ERC1: variants seen among roughly 807,000 people sequenced by gnomAD.
ERC1 encodes the protein ELKS/RAB6-interacting/CAST family member 1, also known as RAB6 interacting protein 2.
A neutral mutation model predicts 132.0 loss-of-function variants in ERC1; 56 were observed. That is an observed-to-expected ratio of 0.42 (90% CI 0.34 to 0.53). ERC1 has a LOEUF of 0.53. Ranked by LOEUF, ERC1 falls within the 20% of genes least tolerant of loss-of-function variation. The pLI, the probability that ERC1 is intolerant of heterozygous loss-of-function variation, is 0.03. For missense variants in ERC1, 1,202 were observed against 1,349.9 expected (o/e 0.89, Z 1.72); for synonymous variants, 478 against 476.1 (o/e 1.00, Z -0.05).
chr12:1,101,968 A>G (rs1018468931), intron 3 of ERC1, among the ~76,000 whole-genome samples: 1 of 152,148 alleles, frequency 6.6e-6, no homozygotes, highest in Non-Finnish European at 1.5e-5. Context: ...TACTCTGTGG[A>G]TTAGTGAAGG....
intron 12 of ERC1, among the ~76,000 whole-genome samples, chr12:1,224,955 GGTGA>G (rs1419446899): frequency 3.3e-5 from 5 of 151,698 alleles, no homozygotes; most frequent in Admixed American, 2.0e-4. Flanking sequence ...GTTTAGCCTA[GGTGA>G]GTAAGTGAGA....
intron 16 of ERC1, among the ~76,000 whole-genome samples, chr12:1,401,983 C>G (rs1335039696): frequency 6.6e-6 from 1 of 152,030 alleles, no homozygotes; most frequent in Non-Finnish European, 1.5e-5. Flanking sequence ...AAGGTACATT[C>G]ATCTGATAGG....
At chr12:1,254,671 C>G (rs1031862042) in intron 13 of ERC1, among the ~76,000 whole-genome samples, 1 of 151,982 alleles carries the variant, frequency 6.6e-6, no homozygotes, top group African/African-American at 2.4e-5. Context: ...GCATCACCAC[C>G]CAGGATAATT....
At chr12:1,456,185 C>T (rs767849436) in intron 18 of ERC1, among the ~76,000 whole-genome samples, 6 of 152,140 alleles carry the variant, frequency 3.9e-5, no homozygotes, top group South Asian at 4.1e-4. Context: ...CAATTTGGGG[C>T]GTAATATTGT....
chr12:1,115,753 A>T, intron 6 of ERC1, 113 bp from the exon 7 acceptor site: 1 of 917,558 alleles, frequency 1.1e-6, no homozygotes. Flanking sequence ...GACCTATCAC[A>T]CAGTTCGTGC....
chr12:1,406,006 G>A (rs1160389013), intron 16 of ERC1, among the ~76,000 whole-genome samples: 1 of 151,968 alleles, frequency 6.6e-6, no homozygotes, highest in Non-Finnish European at 1.5e-5. Flanking sequence ...CAGTATTTTA[G>A]AATACTATTT....
intron 17 of ERC1, among the ~76,000 whole-genome samples, chr12:1,438,928 C>T (rs570441384): frequency 2.1e-4 from 31 of 146,304 alleles, no homozygotes; most frequent in African/African-American, 7.0e-4. Flanking sequence ...GGTGACAAAG[C>T]GAGACCTTGT....
At chr12:1,241,841 C>G (rs374633159) in intron 13 of ERC1, among the ~76,000 whole-genome samples, 3,777 of 108,694 alleles carry the variant, frequency 0.035, 91 homozygotes, top group Middle Eastern at 0.087. Flanking sequence ...TGCATTTCTT[C>G]TTCTTCTTTT....
rs2094326722 is a variant in ERC1 at position 1,492,540 on chromosome 12, C to A, written c.*2310C>A. 1 of 233,196 alleles carries A rather than the reference C, an allele frequency of 4.3e-6. No homozygotes were observed. The highest frequency in any genetic ancestry group is 8.5e-6 in the Non-Finnish European group (1 of 118,072). The allele number at this position is 233,196 out of a possible 1,614,324, so 14.4% of individuals were successfully genotyped here. ...CATCAGGTGCAGCGCCTGCCACTCT[C>A]AGCCACTGGGTGTGTCACTCTCCTC... On this transcript the variant is annotated 3_prime_UTR_variant, in exon 19 of 19. Coordinates refer to ENST00000360905, the MANE Select transcript of ERC1 (RefSeq NM_178040.4).
chr12:1,375,070 C>T lies in ERC1; in HGVS notation c.2925+3093C>T, dbSNP rs2087729012. On this transcript the variant is annotated intron_variant, in intron 16 of 18. Transcript: ENST00000360905. ...GAACTCACAGGCTAATGCATCAAAC[C>T]CTGGTTGTTCTAGTCATCTGGCAGA... is the stretch of plus-strand genomic sequence containing the variant. Among the ~76,000 whole-genome samples the T allele has an allele frequency of 2.0e-5, 3 of 149,764 alleles. No individual in the cohort carries two copies. The South Asian group carries it at 6.3e-4, about 32-fold the overall frequency.
chr12:1,387,955 G>T (rs1391582601), intron 16 of ERC1, among the ~76,000 whole-genome samples: 2 of 152,220 alleles, frequency 1.3e-5, no homozygotes, highest in East Asian at 3.8e-4. Flanking sequence ...CATTATCTCT[G>T]CTTAATCACT....
At chr12:1,012,250 G>A (rs1274849860) in intron 1 of ERC1, among the ~76,000 whole-genome samples, 1 of 151,992 alleles carries the variant, frequency 6.6e-6, no homozygotes, top group Non-Finnish European at 1.5e-5. Flanking sequence ...TTATTTTTGG[G>A]AAGAAACAAA....
At chr12:1,180,759 C>G (rs1954357615) in intron 9 of ERC1, 82 bp downstream of exon 9, 1 of 1,526,462 alleles carries the variant, frequency 6.6e-7, no homozygotes, top group Non-Finnish European at 9.0e-7. Context: ...CAAAAGAAAT[C>G]CCTGTGGGCA....
chr12:1,063,262 T>TATG lies in ERC1; in HGVS notation c.670-19902_670-19901insATG, dbSNP rs1565890133. Among the ~76,000 whole-genome samples the TATG allele has an allele frequency of 7.8e-4, 34 of 43,662 alleles. No homozygotes were observed. The East Asian group carries it at 9.8e-3, about 13-fold the overall frequency. 28.6% of individuals were successfully genotyped at this position (43,662 alleles called of 152,430 possible). A position where few individuals can be genotyped will look rare whatever the true frequency, so the allele number is the denominator to read the frequency against. The stretch of plus-strand genomic sequence containing the variant: ...TTTTTGCATGTATGTATGTATGTAT[T>TATG]TATTTATTTAGTTTTTGAGATGGAA... On this transcript the variant is annotated intron_variant, in intron 2 of 18. Transcript: ENST00000360905.
chr12:1,232,173 G>A (rs923595850), intron 12 of ERC1, among the ~76,000 whole-genome samples: 1 of 152,128 alleles, frequency 6.6e-6, no homozygotes, highest in African/African-American at 2.4e-5. Flanking sequence ...TGGTGGTAAT[G>A]GTGGTGTGTA....
chr12:1,268,096 C>G (rs938576442), intron 14 of ERC1, among the ~76,000 whole-genome samples: 9 of 152,170 alleles, frequency 5.9e-5, no homozygotes, highest in Admixed American at 4.6e-4. Context: ...TCAGAATGAA[C>G]AGTTGCCACT....
intron 13 of ERC1, among the ~76,000 whole-genome samples, chr12:1,243,406 G>C (rs933925797): frequency 2.0e-5 from 3 of 151,626 alleles, no homozygotes; most frequent in African/African-American, 4.9e-5. Flanking sequence ...ATACTGAGGT[G>C]CTATGTAGGG....
At chr12:1,146,308 G>GCTT (rs1950340061) in intron 8 of ERC1, among the ~76,000 whole-genome samples, 1 of 31,812 alleles carries the variant, frequency 3.1e-5, no homozygotes, top group East Asian at 7.2e-4. Context: ...TATTTTACTG[G>GCTT]TTTTTTTTTT....
chr12:1,434,463 G>A lies in ERC1; in HGVS notation c.3025-10099G>A, dbSNP rs974031172. 3.9e-5 allele frequency among the ~76,000 whole-genome samples: 6 copies of A among 152,186 alleles called. No individual in the cohort carries two copies. The East Asian group carries it at 7.7e-4, about 20-fold the overall frequency. On this transcript the variant is annotated intron_variant, in intron 17 of 18. Transcript: ENST00000360905. ...GCTTCAGTCTAGATGTGTACACCAT[G>A]TACCCCTTGGAACTTCCTTCTGTGG...
Sources: gnomAD v4.1 joint callset for allele counts (sites outside exome capture counted in the v4.1 genomes callset) on GRCh38, gnomAD v4.1.1 for gene constraint, MANE v1.5 for transcripts, NCBI Gene and HGNC (gene_info 2026-07-23, HGNC 2026-07-21) for gene names.